The following ATP10D variants were observed in gnomAD, a reference collection of about 807,000 sequenced individuals.
ATP10D encodes the protein ATPase phospholipid transporting 10D (putative).
Under a neutral mutation model 144.8 loss-of-function variants are expected in ATP10D, and 89 were observed. The ratio of observed to expected loss-of-function variants is 0.61; its 90% confidence interval spans 0.52 to 0.73. The LOEUF (loss-of-function observed/expected upper bound fraction) is 0.73, where lower values mean the gene tolerates loss of function less well. ATP10D is among the 30% of genes least tolerant of loss of function. ATP10D has a pLI of 0.00. For synonymous variants in ATP10D, 571 were observed against 615.1 expected, an observed-to-expected ratio of 0.93 and a Z score of 1.06; for missense variants, 1,603 against 1,714.8, an observed-to-expected ratio of 0.93 and a Z score of 1.15.
intron 5 of ATP10D, among the ~76,000 whole-genome samples, chr4:47,528,901 T>C (rs1357541199): frequency 6.6e-6 from 1 of 152,196 alleles, no homozygotes; most frequent in Non-Finnish European, 1.5e-5. Flanking sequence ...ATTTCTCTGA[T>C]GACTCGTGAT....
At chr4:47,529,870 C>A (rs1033937939) in intron 5 of ATP10D, among the ~76,000 whole-genome samples, 4 of 151,916 alleles carry the variant, frequency 2.6e-5, no homozygotes, top group Admixed American at 2.6e-4. Context: ...CTTGGTTAAA[C>A]GTATTTCTAA....
At chr4:47,565,032 C>T (rs1052446105) in intron 15 of ATP10D, among the ~76,000 whole-genome samples, 6 of 152,240 alleles carry the variant, frequency 3.9e-5, no homozygotes, top group African/African-American at 1.4e-4. Context: ...GATCTCGGCT[C>T]ACTGCAAGCT....
Position 47,536,852 on chromosome 4 carries a change from C to T in ATP10D, c.1310C>T (p.Ser437Phe), listed in dbSNP as rs777093283. 3.1e-6 allele frequency: 5 copies of T among 1,613,372 alleles called. No individual in the cohort carries two copies. The South Asian group carries it at 5.5e-5, about 18-fold the overall frequency. The change falls in exon 9 of 23, where the codon TCC becomes TTC. Residue 437 changes from serine to phenylalanine, a missense_variant. Transcript: ENST00000273859. ...EDLGQIQYLF[S>F]DKTGTLTENK... ...CTGGGACAGATTCAGTACCTCTTTT[C>T]CGATAAGACAGGAACCCTCACTGAG...
chr4:47,552,830 T>C (rs140176673), intron 10 of ATP10D, among the ~76,000 whole-genome samples: 35 of 152,346 alleles, frequency 2.3e-4, no homozygotes, highest in African/African-American at 8.4e-4. Flanking sequence ...AAATGTCTTC[T>C]ATAAAAGAAG....
rs375420700 is a variant in ATP10D at position 47,536,893 on chromosome 4, C to T, written c.1351C>T (p.Arg451Ter). The T allele has an allele frequency of 1.3e-5, 21 of 1,612,588 alleles. No individual in the cohort carries two copies. Among genetic ancestry groups the T allele is most frequent in the African/African-American group, 4.0e-5 (3 of 74,772 alleles). The change falls in exon 9 of 23, where the codon CGA (arginine) becomes TGA (stop). Residue 451 changes from arginine to a stop codon, truncating the protein, a stop_gained. Coordinates refer to ENST00000273859, the MANE Select transcript of ATP10D (RefSeq NM_020453.4). LOFTEE classifies it high-confidence loss of function. ...CCTCACTGAGAATAAGATGGTTTTT[C>T]GAAGATGTAGTGTGGCAGGATTTGA... ...GTLTENKMVFRRCSVAGFDYC... is the reference protein window; with the variant it reads ...GTLTENKMVF
At chr4:47,555,381 C>T (rs1718931332) in intron 11 of ATP10D, among the ~76,000 whole-genome samples, 1 of 152,218 alleles carries the variant, frequency 6.6e-6, no homozygotes, top group Non-Finnish European at 1.5e-5. Flanking sequence ...AAACTGGTCC[C>T]TGGTGCCAAA....
chr4:47,546,480 C>A, intron 9 of ATP10D, 144 bp from the exon 10 acceptor site: 1 of 717,300 alleles, frequency 1.4e-6, no homozygotes, highest in Non-Finnish European at 2.4e-6. Context: ...GTTCATTGAC[C>A]AAGGCTATGG....
At position 47,557,802 on chromosome 4, in the gene ATP10D, G is replaced by C; in HGVS notation, c.1963G>C (p.Ala655Pro). 6.2e-7 allele frequency: 1 copy of C among 1,614,166 alleles called. No homozygotes were observed. Among genetic ancestry groups the C allele is most frequent in the Non-Finnish European group, 8.5e-7 (1 of 1,180,026 alleles). Residue 655 changes from alanine to proline, a missense_variant, in exon 12 of 23, where the codon GCC becomes CCC. Coordinates refer to ENST00000273859, the MANE Select transcript of ATP10D (RefSeq NM_020453.4). ...GKEPSSGVPN[A>P]FVSRLPLFSR... ...AGAGCCATCTTCTGGAGTTCCAAAC[G>C]CCTTTGTGAGCAGACTCCCTCTCTT...
Position 47,519,278 on chromosome 4 carries a change from T to A in ATP10D, c.485+3608T>A, listed in dbSNP as rs143264836. Among the ~76,000 whole-genome samples, 22 of 152,282 alleles carry A rather than the reference T, an allele frequency of 1.4e-4. No individual in the cohort carries two copies. The East Asian group carries it at 2.5e-3, about 17-fold the overall frequency. On this transcript the variant is annotated intron_variant, in intron 3 of 22. Coordinates refer to ENST00000273859, the MANE Select transcript of ATP10D (RefSeq NM_020453.4). ...AGTGGAATCACTGTTAATCGTTCAG[T>A]GTGTATTAGTTCCAACTTTTCCCAA...
chr4:47,528,724 G>A (rs925575920), intron 5 of ATP10D, among the ~76,000 whole-genome samples: 4 of 151,856 alleles, frequency 2.6e-5, no homozygotes, highest in African/African-American at 7.3e-5. Context: ...TCGTTGAGAG[G>A]TCTTCATACT....
intron 9 of ATP10D, among the ~76,000 whole-genome samples, chr4:47,538,371 A>G (rs1717955252): frequency 1.3e-5 from 2 of 152,112 alleles, no homozygotes; most frequent in African/African-American, 4.8e-5. Flanking sequence ...TCATTTGTGC[A>G]CTCATTTAAA....
At chr4:47,523,772 A>G (rs184233700) in intron 4 of ATP10D, among the ~76,000 whole-genome samples, 56 of 152,244 alleles carry the variant, frequency 3.7e-4, no homozygotes, top group African/African-American at 1.3e-3. Context: ...ACTCTATAGC[A>G]TTGTTGTAGG....
At position 47,558,041 on chromosome 4, in the gene ATP10D, G is replaced by A. The variant is rs1463273739; in HGVS notation, c.2202G>A (p.Val734=). ...AGAGCCCAGACGAAGCGGCCTTAGT[G>A]TATGCCGCCAGGGCTTACCAATGCA... ...EAESPDEAAL[V]YAARAYQCTL... Residue 734 remains valine (V), a synonymous_variant, in exon 12 of 23, where the codon GTG becomes GTA. Coordinates refer to ENST00000273859, the MANE Select transcript of ATP10D (RefSeq NM_020453.4). 1.2e-6 allele frequency: 2 copies of A among 1,614,108 alleles called. No individual in the cohort carries two copies. The highest frequency in any genetic ancestry group is 3.3e-5 in the Admixed American group (2 of 60,014).
intron 21 of ATP10D, among the ~76,000 whole-genome samples, chr4:47,585,831 C>CT (rs971140716): frequency 6.6e-6 from 1 of 152,102 alleles, no homozygotes; most frequent in Non-Finnish European, 1.5e-5. Flanking sequence ...GAATCTCATT[C>CT]TTTTTTTGTG....
chr4:47,508,295 A>G (rs1338977741), intron 1 of ATP10D, among the ~76,000 whole-genome samples: 1 of 152,218 alleles, frequency 6.6e-6, no homozygotes, highest in Non-Finnish European at 1.5e-5. Context: ...CTTCTCAGGC[A>G]TTAATAGGTA....
rs115582150 is a variant in ATP10D at position 47,574,894 on chromosome 4, G to C, written c.3367-1879G>C. Among the ~76,000 whole-genome samples, 456 of 152,154 alleles carry C rather than the reference G, an allele frequency of 3.0e-3. 3 individuals carry two copies. Among genetic ancestry groups the C allele is most frequent in the African/African-American group, 0.01 (418 of 41,508 alleles). ...CAGCTCACTGCAACCTCTGCCTCCC[G>C]AGGTCAAGCTAACCTCCCGCCTCAG... is the stretch of plus-strand genomic sequence containing the variant. On this transcript the variant is annotated intron_variant, in intron 18 of 22. Coordinates refer to ENST00000273859, the MANE Select transcript of ATP10D (RefSeq NM_020453.4).
At chr4:47,565,021 C>T (rs1288929965) in intron 15 of ATP10D, among the ~76,000 whole-genome samples, 5 of 152,238 alleles carry the variant, frequency 3.3e-5, no homozygotes, top group Non-Finnish European at 5.9e-5. Flanking sequence ...CGCTATGGCG[C>T]GATCTCGGCT....
intron 22 of ATP10D, among the ~76,000 whole-genome samples, chr4:47,588,277 GT>G (rs1720878435): frequency 6.6e-6 from 1 of 152,124 alleles, no homozygotes. Context: ...CATCTCTGCA[GT>G]TTCACAAAAT....
intron 1 of ATP10D, among the ~76,000 whole-genome samples, chr4:47,485,890 C>G (rs1202502664): frequency 6.7e-6 from 1 of 150,070 alleles, no homozygotes; most frequent in African/African-American, 2.5e-5. Flanking sequence ...CGCATTCACA[C>G]ACACACACAC....
Sources: gnomAD v4.1 joint callset for allele counts (sites outside exome capture counted in the v4.1 genomes callset) on GRCh38, gnomAD v4.1.1 for gene constraint, MANE v1.5 for transcripts, NCBI Gene and HGNC (gene_info 2026-07-23, HGNC 2026-07-21) for gene names.